CDH20: variants seen among roughly 807,000 people sequenced by gnomAD.
CDH20 encodes the protein cadherin 20, also known as cadherin-20.
In CDH20, 29 loss-of-function variants were observed where a neutral mutation model predicts 74.2. The observed-to-expected ratio is 0.39, with a 90% CI of 0.29 to 0.53. The LOEUF is 0.53. CDH20 is among the 20% of genes least tolerant of loss of function. The pLI, the probability that CDH20 is intolerant of heterozygous loss-of-function variation, is 0.69. For synonymous variants in CDH20, 469 were observed against 405.4 expected (o/e 1.16, Z -1.88); for missense variants, 988 against 1,048.3 (o/e 0.94, Z 0.79).
rs556001640 is a variant in CDH20, at chr18:61,524,880, C to T, written c.1018-3087C>T. 1.2e-4 allele frequency among the ~76,000 whole-genome samples: 19 copies of T among 152,030 alleles called. No individual in the cohort carries two copies. In the South Asian group the frequency reaches 1.9e-3, roughly 15 times the overall value. On this transcript the variant is annotated intron_variant, in intron 6 of 11. Coordinates refer to ENST00000262717, the MANE Select transcript of CDH20 (RefSeq NM_031891.4). ...ACGTTGCAGTGAGCCCAGATTATGC[C>T]GCTGCACTCCAGCCTGGGTAACAGA...
At chr18:61,495,761 GCT>G (rs985866697) in intron 2 of CDH20, among the ~76,000 whole-genome samples, 2 of 152,100 alleles carry the variant, frequency 1.3e-5, no homozygotes, top group Non-Finnish European at 2.9e-5. Flanking sequence ...CTGGAGCTGC[GCT>G]CTCTCTCTGA....
rs953798451 is a variant in CDH20, at chr18:61,532,534, A to G, written c.1272-3959A>G. Among the ~76,000 whole-genome samples the G allele has an allele frequency of 4.6e-3, 625 of 135,592 alleles. 2 individuals are homozygous for G. The highest frequency in any genetic ancestry group is 0.015 in the Middle Eastern group (4 of 266). The allele number at this position is 135,592 out of a possible 152,430, so 89.0% of individuals were successfully genotyped here. On this transcript the variant is annotated intron_variant, in intron 7 of 11. Coordinates refer to ENST00000262717, the MANE Select transcript of CDH20 (RefSeq NM_031891.4). ...CTGTATACATGTGTGTATTGTATGT[A>G]TATATATATATATATATATATACAC... is the stretch of plus-strand genomic sequence containing the variant.
chr18:61,506,766 G>A (rs1203252598), intron 5 of CDH20, among the ~76,000 whole-genome samples: 1 of 152,088 alleles, frequency 6.6e-6, no homozygotes, highest in East Asian at 1.9e-4. Context: ...AGCATGAAGG[G>A]TCTGTCCATG....
chr18:61,542,841 G>A (rs542857810), intron 9 of CDH20, among the ~76,000 whole-genome samples: 431 of 152,246 alleles, frequency 2.8e-3, no homozygotes, highest in African/African-American at 1.0e-2. Context: ...AGGAGGGGAA[G>A]GTGCCAGGCT....
intron 1 of CDH20, among the ~76,000 whole-genome samples, chr18:61,354,157 G>A (rs922461009): frequency 6.6e-6 from 1 of 152,224 alleles, no homozygotes; most frequent in African/African-American, 2.4e-5. Flanking sequence ...TCCCACACTG[G>A]ATGACACTGA....
At chr18:61,526,421 C>T (rs978431807) in intron 6 of CDH20, among the ~76,000 whole-genome samples, 4 of 152,082 alleles carry the variant, frequency 2.6e-5, no homozygotes, top group Non-Finnish European at 5.9e-5. Flanking sequence ...ATGCCTCTCT[C>T]TAACATGAAA....
intron 8 of CDH20, among the ~76,000 whole-genome samples, chr18:61,537,787 A>C (rs1057286973): frequency 6.6e-6 from 1 of 152,208 alleles, no homozygotes; most frequent in African/African-American, 2.4e-5. Context: ...TTGCTAGCAT[A>C]TTATGGTAAC....
intron 4 of CDH20, among the ~76,000 whole-genome samples, chr18:61,501,922 T>C (rs1186499011): frequency 6.6e-6 from 1 of 152,044 alleles, no homozygotes; most frequent in Non-Finnish European, 1.5e-5. Context: ...CAAAAATACA[T>C]GAACAGAGAG....
At chr18:61,463,466 A>T (rs1909855842) in intron 1 of CDH20, among the ~76,000 whole-genome samples, 1 of 152,166 alleles carries the variant, frequency 6.6e-6, no homozygotes, top group East Asian at 1.9e-4. Flanking sequence ...CCCTAATCCC[A>T]AAAGATGAAA....
At chr18:61,507,130 C>T (rs1225072672) in intron 5 of CDH20, among the ~76,000 whole-genome samples, 1 of 152,186 alleles carries the variant, frequency 6.6e-6, no homozygotes, top group Non-Finnish European at 1.5e-5. Flanking sequence ...AGTCGTTTTG[C>T]TTTCACCCTG....
intron 6 of CDH20, among the ~76,000 whole-genome samples, chr18:61,515,187 G>A (rs560092963): frequency 6.6e-6 from 1 of 152,266 alleles, no homozygotes; most frequent in Admixed American, 6.5e-5. Flanking sequence ...GCCAGGTGCG[G>A]GATATAATCT....
chr18:61,440,025 G>A (rs901628749), intron 1 of CDH20, among the ~76,000 whole-genome samples: 13 of 152,156 alleles, frequency 8.5e-5, no homozygotes, highest in African/African-American at 2.9e-4. Context: ...AAGTATTTCA[G>A]AAAGCAGTTT....
chr18:61,418,261 C>T (rs1473328081), intron 1 of CDH20, among the ~76,000 whole-genome samples: 1 of 151,736 alleles, frequency 6.6e-6, no homozygotes, highest in Non-Finnish European at 1.5e-5. Context: ...ATTTCTAATC[C>T]TAAAACATCC....
chr18:61,450,742 G>A (rs557527881), intron 1 of CDH20, among the ~76,000 whole-genome samples: 4 of 152,054 alleles, frequency 2.6e-5, no homozygotes, highest in South Asian at 2.1e-4. Context: ...TACTCTTAAA[G>A]CCTAATGGTT....
At chr18:61,347,673 C>T (rs2144105525) in intron 1 of CDH20, among the ~76,000 whole-genome samples, 1 of 152,132 alleles carries the variant, frequency 6.6e-6, no homozygotes, top group East Asian at 1.9e-4. Flanking sequence ...GACTAGCTGT[C>T]AACAAAGATA....
At chr18:61,371,403 T>G (rs1476214673) in intron 1 of CDH20, among the ~76,000 whole-genome samples, 1 of 152,030 alleles carries the variant, frequency 6.6e-6, no homozygotes, top group Non-Finnish European at 1.5e-5. Context: ...ACTACAATCT[T>G]CTTTGAGGTT....
intron 1 of CDH20, among the ~76,000 whole-genome samples, chr18:61,485,281 C>T (rs1910718768): frequency 6.6e-6 from 1 of 152,158 alleles, no homozygotes; most frequent in South Asian, 2.1e-4. Flanking sequence ...ACTATGAGAA[C>T]ATTAAATATG....
chr18:61,524,475 T>G (rs1365249108), intron 6 of CDH20, among the ~76,000 whole-genome samples: 1 of 152,226 alleles, frequency 6.6e-6, no homozygotes, highest in Admixed American at 6.5e-5. Context: ...TGAAATTTTA[T>G]GCTCACACAA....
rs184765206 is a variant in CDH20 at position 61,428,011 on chromosome 18, C to T, written c.-152-62391C>T. Among the ~76,000 whole-genome samples the T allele has an allele frequency of 3.2e-3, 486 of 152,216 alleles. 2 individuals carry two copies. The highest frequency in any genetic ancestry group is 0.011 in the African/African-American group (465 of 41,520). Reference sequence around the variant, plus strand: ...AAGATAGAAGGATAAAGATATAGCCCCCTCCACAAACTTACACTCTAGATG... The same window carrying T: ...AAGATAGAAGGATAAAGATATAGCCTCCTCCACAAACTTACACTCTAGATG... On this transcript the variant is annotated intron_variant, in intron 1 of 11. Transcript: ENST00000262717.
Sources: allele counts gnomAD v4.1 joint callset (sites outside exome capture counted in the v4.1 genomes callset), GRCh38; gene constraint gnomAD v4.1.1; transcripts MANE v1.5; gene names NCBI Gene and HGNC (gene_info 2026-07-23, HGNC 2026-07-21).